The following SYN3 variants were observed in gnomAD, a reference collection of about 807,000 sequenced individuals.
The protein encoded by SYN3 is synapsin III.
Under a neutral mutation model 65.8 loss-of-function variants are expected in SYN3, and 35 were observed. The ratio of observed to expected loss-of-function variants is 0.53; its 90% CI spans 0.41 to 0.70. The LOEUF (loss-of-function observed/expected upper bound fraction) is 0.70. Among genes scored for constraint, SYN3 ranks in the 30% least tolerant of loss-of-function variants. The probability of loss-of-function intolerance (pLI) is 0.00; values close to 1 mark genes in which losing one functional copy is unlikely to be tolerated. For missense variants in SYN3, 680 were observed against 749.0 expected, an observed-to-expected ratio of 0.91 and a Z score of 1.08; for synonymous variants, 270 against 292.9, an observed-to-expected ratio of 0.92 and a Z score of 0.80.
intron 3 of SYN3, among the ~76,000 whole-genome samples, chr22:32,946,251 A>G (rs1196375543): frequency 6.6e-6 from 1 of 152,202 alleles, no homozygotes; most frequent in Non-Finnish European, 1.5e-5. Flanking sequence ...ACGTATGTTT[A>G]TTGCGGCACT....
chr22:32,671,298 A>G (rs1186111977), intron 6 of SYN3, among the ~76,000 whole-genome samples: 3 of 151,796 alleles, frequency 2.0e-5, no homozygotes, highest in Non-Finnish European at 4.4e-5. Context: ...GCTCACAGAC[A>G]CGCACACATT....
At chr22:32,950,549 A>T (rs2051258404) in intron 3 of SYN3, among the ~76,000 whole-genome samples, 1 of 147,100 alleles carries the variant, frequency 6.8e-6, no homozygotes, top group South Asian at 2.1e-4. Context: ...GCAGCCATAA[A>T]CTCTAATTCC....
chr22:32,693,633 C>T (rs1251048780), intron 6 of SYN3, among the ~76,000 whole-genome samples: 2 of 134,644 alleles, frequency 1.5e-5, no homozygotes, highest in African/African-American at 6.2e-5. Context: ...GCTCTGTCAC[C>T]CAGGCAGGAG....
At chr22:32,703,356 T>C (rs1371904540) in intron 6 of SYN3, among the ~76,000 whole-genome samples, 3 of 152,152 alleles carry the variant, frequency 2.0e-5, no homozygotes, top group Non-Finnish European at 4.4e-5. Context: ...GAGTTTTGCC[T>C]GGCCGGGCGC....
intron 7 of SYN3, among the ~76,000 whole-genome samples, chr22:32,546,020 T>G (rs1456227413): frequency 6.6e-6 from 1 of 152,102 alleles, no homozygotes; most frequent in Non-Finnish European, 1.5e-5. Flanking sequence ...GCCTTGAACT[T>G]CTGGGCTCAA....
chr22:32,830,498 G>C (rs1432564082), intron 6 of SYN3, among the ~76,000 whole-genome samples: 1 of 152,186 alleles, frequency 6.6e-6, no homozygotes, highest in Non-Finnish European at 1.5e-5. Context: ...CTCTTTCACA[G>C]AAACAGAGCT....
At chr22:32,970,482 G>GA (rs59641890) in intron 3 of SYN3, among the ~76,000 whole-genome samples, 1,140 of 96,202 alleles carry the variant, frequency 0.012, 8 homozygotes, top group South Asian at 0.046. Context: ...TCTCTATTTG[G>GA]AAAAAAAAAA....
chr22:32,855,480 T>C (rs548802418), intron 6 of SYN3, among the ~76,000 whole-genome samples: 1 of 152,332 alleles, frequency 6.6e-6, no homozygotes, highest in South Asian at 2.1e-4. Flanking sequence ...GGCAGAGTCC[T>C]CTGCTTGGAA....
chr22:32,652,734 A>G (rs2060090382), intron 6 of SYN3, among the ~76,000 whole-genome samples: 1 of 152,124 alleles, frequency 6.6e-6, no homozygotes, highest in African/African-American at 2.4e-5. Flanking sequence ...CCCCTTTGAG[A>G]AATTGACGCC....
chr22:32,732,923 A>G (rs1258093455), intron 6 of SYN3, among the ~76,000 whole-genome samples: 1 of 152,216 alleles, frequency 6.6e-6, no homozygotes, highest in Non-Finnish European at 1.5e-5. Context: ...TATCCTTTGG[A>G]AAAAATCAAA....
intron 3 of SYN3, among the ~76,000 whole-genome samples, chr22:32,974,666 G>T (rs981896834): frequency 6.6e-6 from 1 of 152,118 alleles, no homozygotes; most frequent in South Asian, 2.1e-4. Context: ...GTGTGTGCAT[G>T]TAAGAGGGAG....
At chr22:32,625,584 C>T (rs1293626152) in intron 6 of SYN3, among the ~76,000 whole-genome samples, 2 of 152,222 alleles carry the variant, frequency 1.3e-5, no homozygotes, top group Admixed American at 1.3e-4. Context: ...CTTCTTTCTT[C>T]ACACATTCAG....
intron 6 of SYN3, among the ~76,000 whole-genome samples, chr22:32,663,314 T>C (rs1376023917): frequency 6.6e-6 from 1 of 151,406 alleles, no homozygotes; most frequent in African/African-American, 2.4e-5. Context: ...TCTCTTTTTT[T>C]TTTTTTTTGA....
chr22:32,551,634 A>G (rs2058416790), intron 7 of SYN3, among the ~76,000 whole-genome samples: 1 of 152,144 alleles, frequency 6.6e-6, no homozygotes, highest in Non-Finnish European at 1.5e-5. Flanking sequence ...GAACACATCA[A>G]TTAACAGGAG....
chr22:32,821,035 C>T (rs1430503032), intron 6 of SYN3, among the ~76,000 whole-genome samples: 1 of 152,022 alleles, frequency 6.6e-6, no homozygotes, highest in African/African-American at 2.4e-5. Context: ...CTCATCCCTG[C>T]ACTAGAGAAT....
At chr22:32,603,371 AT>A (rs1420881537) in intron 6 of SYN3, among the ~76,000 whole-genome samples, 61 of 149,408 alleles carry the variant, frequency 4.1e-4, no homozygotes, top group African/African-American at 1.3e-3. Context: ...AAAAAAAAAA[AT>A]AGCCAGGTAT....
intron 6 of SYN3, among the ~76,000 whole-genome samples, chr22:32,630,789 A>T (rs1351343473): frequency 6.6e-6 from 1 of 152,208 alleles, no homozygotes; most frequent in Admixed American, 6.5e-5. Context: ...GTCAAGATAA[A>T]CATCAAATCC....
At chr22:32,798,460 C>A (rs1051388880) in intron 6 of SYN3, among the ~76,000 whole-genome samples, 1 of 152,100 alleles carries the variant, frequency 6.6e-6, no homozygotes, top group East Asian at 1.9e-4. Context: ...GTCCTTTTTA[C>A]GACTTCTCTT....
chr22:32,893,665 T>C (rs1171792586), intron 4 of SYN3, among the ~76,000 whole-genome samples: 1 of 152,094 alleles, frequency 6.6e-6, no homozygotes, highest in Non-Finnish European at 1.5e-5. Flanking sequence ...CAAACCCAAC[T>C]GGTCCACACC....
Sources: allele counts gnomAD v4.1 joint callset (sites outside exome capture counted in the v4.1 genomes callset), GRCh38; gene constraint gnomAD v4.1.1; transcripts MANE v1.5; gene names NCBI Gene and HGNC (gene_info 2026-07-23, HGNC 2026-07-21).